The following TMEM63A variants were observed in gnomAD, a reference collection of about 807,000 sequenced individuals.
TMEM63A encodes the protein mechanosensitive cation channel TMEM63A.
A neutral mutation model predicts 100.6 loss-of-function variants in TMEM63A; 76 were observed. The observed-to-expected ratio is 0.76, with a 90% CI of 0.63 to 0.91. The LOEUF (loss-of-function observed/expected upper bound fraction) is 0.91. Among genes scored for constraint, TMEM63A ranks in the 40% least tolerant of loss-of-function variants. TMEM63A has a pLI of 0.00. For missense variants in TMEM63A, 876 were observed against 1,008.8 expected (o/e 0.87, Z 1.78); for synonymous variants, 401 against 401.1 (o/e 1.00, Z 0.00).
In TMEM63A at chr1:225,852,742, C is replaced by A; in HGVS notation, c.1825G>T (p.Ala609Ser). The change falls in exon 20 of 25, where the codon GCC (alanine) becomes TCC (serine). Residue 609 changes from alanine (A) to serine (S), a missense_variant. This residue lies in a region of TMEM63A where 339 missense variants were observed against 342.3 expected (regional missense o/e 0.99). Coordinates refer to ENST00000366835, the MANE Select transcript of TMEM63A (RefSeq NM_014698.3). ...ACACACAGCATCCATGCATACATGG[C>A]TCCAAACTCGTACTGGAAGGCCTGG... Reference protein sequence around the residue: ...QNQAFQYEFGAMYAWMLCVFT... With the variant: ...QNQAFQYEFGSMYAWMLCVFT... The A allele has an allele frequency of 1.9e-6, 3 of 1,614,076 alleles. No individual in the cohort carries two copies. Among genetic ancestry groups the A allele is most frequent in the Non-Finnish European group, 8.5e-7 (1 of 1,180,038 alleles).
downstream of TMEM63A, chr1:225,840,836 T>C (rs1668336654): frequency 6.6e-6 from 1 of 152,284 alleles, no homozygotes; most frequent in Non-Finnish European, 1.5e-5. Context: ...TCAAAGTTCT[T>C]CATAGTTTTC....
Position 225,862,984 on chromosome 1 carries a change from C to A in TMEM63A, c.747-133G>T. 1.3e-6 allele frequency: 1 copy of A among 779,928 alleles called. No individual in the cohort carries two copies. The highest frequency in any genetic ancestry group is 2.1e-6 in the Non-Finnish European group (1 of 466,976). The allele number at this position is 779,928 out of a possible 1,614,324, so 48.3% of individuals were successfully genotyped here. ...TGCTGGTTTCTGTGCCAGCGGAGAC[C>A]TCTCTTCTCTTTGTCTTTTATCCTC... On this transcript the variant is annotated intron_variant, in intron 10 of 24. Transcript: ENST00000366835. This position sits in a 1 kb window ranked among gnomAD's most constrained non-coding sequence, Gnocchi z 5.1.
At chr1:225,881,759 G>C (rs1217117544) in intron 1 of TMEM63A, among the ~76,000 whole-genome samples, 1 of 152,198 alleles carries the variant, frequency 6.6e-6, no homozygotes, top group Non-Finnish European at 1.5e-5. Flanking sequence ...TTGCGGATTT[G>C]GTTTCTTAGC....
At chr1:225,868,154 G>C in intron 6 of TMEM63A, 124 bp from the exon 7 acceptor site, 1 of 1,251,392 alleles carries the variant, frequency 8.0e-7, no homozygotes, top group Non-Finnish European at 1.1e-6. Context: ...CCACATTTTT[G>C]TTCACATATG....
chr1:225,857,395 G>C (rs867608450), intron 15 of TMEM63A, among the ~76,000 whole-genome samples: 36 of 124,370 alleles, frequency 2.9e-4, no homozygotes, highest in Non-Finnish European at 5.3e-4. Context: ...GGGGGGGGGG[G>C]GGTGCCCTGC....
chr1:225,864,723 G>C, intron 10 of TMEM63A: 1 of 152,234 alleles, frequency 6.6e-6, no homozygotes, highest in Non-Finnish European at 1.5e-5. Context: ...TTACGATCCT[G>C]TCTAGCAATT....
rs1669446259 is a variant in TMEM63A, at chr1:225,853,301, G to A, written c.1797+328C>T. On this transcript the variant is annotated intron_variant, in intron 19 of 24. Coordinates refer to ENST00000366835, the MANE Select transcript of TMEM63A (RefSeq NM_014698.3). This position sits in a 1 kb window ranked among gnomAD's most constrained non-coding sequence, Gnocchi z 4.0. ...AAGCCGAAAATGCCTTTGACATCTG[G>A]GGTTTGGCTAAGAATTTATGCAAAT... is the stretch of plus-strand genomic sequence containing the variant. Among the ~76,000 whole-genome samples, 1 of 152,196 alleles carries A rather than the reference G, an allele frequency of 6.6e-6. No individual in the cohort carries two copies. The highest frequency in any genetic ancestry group is 1.5e-5 in the Non-Finnish European group (1 of 68,042).
Position 225,866,951 on chromosome 1 carries a change from G to A in TMEM63A, c.566+161C>T, listed in dbSNP as rs535355972. ...AACCCTGGCAAAACAGTGTCTGCCT[G>A]TGGCGTGTTCATGCCCACAGCTCAA... On this transcript the variant is annotated intron_variant, in intron 8 of 24. Coordinates refer to ENST00000366835, the MANE Select transcript of TMEM63A (RefSeq NM_014698.3). Among the ~76,000 whole-genome samples the A allele has an allele frequency of 4.7e-4, 71 of 152,314 alleles. 1 individual carries two copies. Among genetic ancestry groups the A allele is most frequent in the Non-Finnish European group, 7.5e-4 (51 of 68,030 alleles).
Position 225,862,201 on chromosome 1 carries a change from G to C in TMEM63A, c.1085+17C>G. The C allele has an allele frequency of 6.2e-7, 1 of 1,613,244 alleles. No homozygotes were observed. The highest frequency in any genetic ancestry group is 8.5e-7 in the Non-Finnish European group (1 of 1,179,932). The stretch of plus-strand genomic sequence containing the variant: ...AGGGAGTCAGCCAAGAAGGGGTCTG[G>C]ATGTGCCTACACTCACTAGGTGGCC... On this transcript the variant is annotated intron_variant, in intron 13 of 24. Transcript: ENST00000366835. The surrounding 1 kb of genome is among the most constrained non-coding windows in gnomAD (Gnocchi z 5.1).
At position 225,862,202 on chromosome 1, in the gene TMEM63A, A is replaced by G; in HGVS notation, c.1085+16T>C. The G allele has an allele frequency of 6.2e-7, 1 of 1,613,230 alleles. No individual in the cohort carries two copies. The highest frequency in any genetic ancestry group is 8.5e-7 in the Non-Finnish European group (1 of 1,179,912). ...GGGAGTCAGCCAAGAAGGGGTCTGG[A>G]TGTGCCTACACTCACTAGGTGGCCA... On this transcript the variant is annotated intron_variant, in intron 13 of 24. Transcript: ENST00000366835. The surrounding 1 kb of genome is among the most constrained non-coding windows in gnomAD (Gnocchi z 5.1).
At position 225,867,711 on chromosome 1, in the gene TMEM63A, A is replaced by G. The variant is rs1670283975; in HGVS notation, c.514+177T>C. On this transcript the variant is annotated intron_variant, in intron 7 of 24. Coordinates refer to ENST00000366835, the MANE Select transcript of TMEM63A (RefSeq NM_014698.3). The surrounding 1 kb of genome is among the most constrained non-coding windows in gnomAD (Gnocchi z 4.6). ...ACATTGATATTGGGGCCCCAGTTTTAGCCTAGGTTTGCTCCAGATCTTTAA... is the reference window on the plus strand; with the variant it reads ...ACATTGATATTGGGGCCCCAGTTTTGGCCTAGGTTTGCTCCAGATCTTTAA... Among the ~76,000 whole-genome samples, 1 of 152,106 alleles carries G rather than the reference A, an allele frequency of 6.6e-6. No individual in the cohort carries two copies. The highest frequency in any genetic ancestry group is 1.5e-5 in the Non-Finnish European group (1 of 68,010).
chr1:225,863,420 G>A (rs1299245520), intron 10 of TMEM63A, among the ~76,000 whole-genome samples: 1 of 152,108 alleles, frequency 6.6e-6, no homozygotes, highest in Non-Finnish European at 1.5e-5. Context: ...GAATCAGCTG[G>A]CACTTCTCCT....
chr1:225,870,380 CAAT>C (rs1309358395), intron 6 of TMEM63A, among the ~76,000 whole-genome samples: 3 of 148,868 alleles, frequency 2.0e-5, no homozygotes, highest in Non-Finnish European at 4.4e-5. Flanking sequence ...CATCTTACAA[CAAT>C]AACTTCTTAG....
intron 14 of TMEM63A, 89 bp downstream of exon 14, chr1:225,860,771 T>G: frequency 6.9e-7 from 1 of 1,448,166 alleles, no homozygotes; most frequent in Non-Finnish European, 9.2e-7. Context: ...CTCCATTGAC[T>G]GCCAGGTCAC....
chr1:225,860,894 C>T lies in TMEM63A; in HGVS notation c.1189G>A (p.Val397Ile). 1 of 1,611,748 alleles carries T rather than the reference C, an allele frequency of 6.2e-7. No individual in the cohort carries two copies. The highest frequency in any genetic ancestry group is 1.7e-5 in the Admixed American group (1 of 59,768). Residue 397 changes from valine to isoleucine, a missense_variant, in exon 14 of 25, where the codon GTC becomes ATC. This residue lies in a region of TMEM63A where 487 missense variants were observed against 581.9 expected (regional missense o/e 0.84). Coordinates refer to ENST00000366835, the MANE Select transcript of TMEM63A (RefSeq NM_014698.3). The part of the protein sequence containing the change: ...SRELYTSKWT[V>I]TFAADPEDIC... ...TCCTCAGGGTCAGCAGCAAAGGTGA[C>T]TGTCCACTTGGAGGTATAGAGCTCC...
chr1:225,857,091 G>C, intron 15 of TMEM63A, 74 bp from the exon 16 acceptor site: 1 of 1,280,338 alleles, frequency 7.8e-7, no homozygotes. Flanking sequence ...TGACCTATTG[G>C]TATGGTCGCT....
intron 3 of TMEM63A, among the ~76,000 whole-genome samples, chr1:225,876,925 A>G (rs1670834021): frequency 6.6e-6 from 1 of 152,170 alleles, no homozygotes; most frequent in Non-Finnish European, 1.5e-5. Flanking sequence ...CTGAGATTAC[A>G]GGCATGAGCC....
intron 23 of TMEM63A, 44 bp downstream of exon 23, chr1:225,848,448 A>G: frequency 6.3e-7 from 1 of 1,580,436 alleles, no homozygotes; most frequent in Non-Finnish European, 8.6e-7. Context: ...CAACCAAAGC[A>G]AAAAAAAGGG....
rs186305900 is a variant in TMEM63A at position 225,877,121 on chromosome 1, C to T, written c.186+274G>A. ...CGACAGGCTGAGAGCTCTGCAATCA[C>T]GGTAGTAATCACAGGCATAGCTATA... On this transcript the variant is annotated intron_variant, in intron 3 of 24. Coordinates refer to ENST00000366835, the MANE Select transcript of TMEM63A (RefSeq NM_014698.3). Among the ~76,000 whole-genome samples, 131 of 152,250 alleles carry T rather than the reference C, an allele frequency of 8.6e-4. 1 individual carries two copies. The highest frequency in any genetic ancestry group is 4.4e-4 in the Non-Finnish European group (30 of 68,018).
Sources: gnomAD v4.1 joint callset for allele counts (sites outside exome capture counted in the v4.1 genomes callset) on GRCh38, gnomAD v4.1.1 for gene constraint, gnomAD v4.1.1 regional missense constraint, Gnocchi (gnomAD v3.1) non-coding constraint, MANE v1.5 for transcripts, NCBI Gene and HGNC (gene_info 2026-07-23, HGNC 2026-07-21) for gene names.